The following BAIAP2 variants were observed in gnomAD, a reference collection of about 807,000 sequenced individuals.
BAIAP2 encodes BAR/IMD domain containing adaptor protein 2.
Under a neutral mutation model 63.0 loss-of-function variants are expected in BAIAP2, and 18 were observed. The observed-to-expected ratio is 0.29, with a 90% CI of 0.20 to 0.42. The LOEUF is 0.42. BAIAP2 is among the 10% of genes least tolerant of loss of function. The probability of loss-of-function intolerance (pLI) is 1.00; values close to 1 mark genes in which losing one functional copy is unlikely to be tolerated. For synonymous variants in BAIAP2, 386 were observed against 307.6 expected (o/e 1.25, Z -2.67); for missense variants, 610 against 734.3 (o/e 0.83, Z 1.96).
intron 1 of BAIAP2, among the ~76,000 whole-genome samples, chr17:81,042,874 T>TTTAA (rs1555652535): frequency 0.048 from 7,136 of 148,912 alleles, 230 homozygotes; most frequent in East Asian, 0.14. Flanking sequence ...GGGGCTTTTA[T>TTTAA]TTTAATTTAA....
intron 1 of BAIAP2, among the ~76,000 whole-genome samples, chr17:81,052,618 C>T (rs76415684): frequency 0.018 from 2,693 of 152,340 alleles, 79 homozygotes; most frequent in African/African-American, 0.061. Flanking sequence ...CGTCAAATAG[C>T]GGGTTTTCTG....
intron 3 of BAIAP2, chr17:81,083,120 G>A (rs904211019): frequency 6.6e-6 from 1 of 152,324 alleles, no homozygotes; most frequent in African/African-American, 2.4e-5. Flanking sequence ...GGCCAGCCCA[G>A]CCGTGGTCCT....
At chr17:81,040,969 G>C (rs1296517074) in intron 1 of BAIAP2, among the ~76,000 whole-genome samples, 2 of 152,224 alleles carry the variant, frequency 1.3e-5, no homozygotes, top group Non-Finnish European at 2.9e-5. Flanking sequence ...CTGTGCTGAG[G>C]AGTCCCCTCT....
chr17:81,099,156 G>A (rs1207269292), intron 6 of BAIAP2, among the ~76,000 whole-genome samples: 5 of 152,216 alleles, frequency 3.3e-5, no homozygotes, highest in Non-Finnish European at 7.4e-5. Flanking sequence ...TGCTGTCCCC[G>A]TGGACGCTGG....
intron 6 of BAIAP2, chr17:81,098,268 C>T (rs1010455956): frequency 8.3e-5 from 98 of 1,179,210 alleles, no homozygotes; most frequent in South Asian, 3.0e-4. Context: ...GAGCACAGTC[C>T]GGGGCCTGGG....
intron 4 of BAIAP2, 187 bp from the exon 5 acceptor site, chr17:81,085,467 C>G: frequency 1.0e-5 from 7 of 699,174 alleles, no homozygotes; most frequent in Non-Finnish European, 1.6e-5. Flanking sequence ...GTTCAGCACT[C>G]GCTCCTGGCT....
At position 81,104,502 on chromosome 17, in the gene BAIAP2, T is replaced by A; in HGVS notation, c.1067-12T>A. On this transcript the variant is annotated splice_polypyrimidine_tract_variant and intron_variant, in intron 9 of 13. Transcript: ENST00000428708. ...CAGGGGCAGTCCCCTTACCTGTCCC[T>A]TGTCCCAGCAGCCGAGAACAAGACT... is the stretch of plus-strand genomic sequence containing the variant. 6.3e-7 allele frequency: 1 copy of A among 1,582,272 alleles called. No homozygotes were observed. Among genetic ancestry groups the A allele is most frequent in the Non-Finnish European group, 8.6e-7 (1 of 1,160,028 alleles).
At chr17:81,084,065 G>A (rs922857546) in intron 3 of BAIAP2, among the ~76,000 whole-genome samples, 3 of 152,204 alleles carry the variant, frequency 2.0e-5, no homozygotes, top group Non-Finnish European at 4.4e-5. Flanking sequence ...CTCTGACGGC[G>A]CTTACCCTGT....
At chr17:81,105,200 T>C in intron 10 of BAIAP2, 1 of 166,064 alleles carries the variant, frequency 6.0e-6, no homozygotes, top group Non-Finnish European at 1.3e-5. Context: ...GGCTCGGGTC[T>C]CCCCCACATG....
rs529872297 is a variant in BAIAP2, at chr17:81,080,280, A to G, written c.218-4552A>G. The stretch of plus-strand genomic sequence containing the variant: ...GGGTTAAGTGCTGGTGGCCGGACAC[A>G]TTCACACTCCATGCCCACGTGGTTT... On this transcript the variant is annotated intron_variant, in intron 3 of 13. Coordinates refer to ENST00000428708, the MANE Select transcript of BAIAP2 (RefSeq NM_001144888.2). Among the ~76,000 whole-genome samples the G allele has an allele frequency of 2.8e-4, 43 of 152,230 alleles. 1 individual carries two copies. The highest frequency in any genetic ancestry group is 2.0e-4 in the Admixed American group (3 of 15,288).
chr17:81,047,405 A>AGTG (rs2047971954), intron 1 of BAIAP2, among the ~76,000 whole-genome samples: 1 of 152,208 alleles, frequency 6.6e-6, no homozygotes, highest in Non-Finnish European at 1.5e-5. Context: ...AGAGGGTCCT[A>AGTG]GCATCGACTC....
At chr17:81,098,971 TCCCCCCATCCCCCCATC>T (rs2058093314) in intron 6 of BAIAP2, among the ~76,000 whole-genome samples, 1 of 4,262 alleles carries the variant, frequency 2.3e-4, no homozygotes, top group Admixed American at 3.1e-3. Context: ...CGTCCCCCCA[TCCCCCCATCCCCCCATC>T]CCCCCATCCC....
chr17:81,037,812 T>A (rs781697683), intron 1 of BAIAP2, among the ~76,000 whole-genome samples: 7 of 152,284 alleles, frequency 4.6e-5, no homozygotes, highest in Non-Finnish European at 7.3e-5. Flanking sequence ...GAGTGGTGTT[T>A]GCCTTGGCAA....
At chr17:81,036,811 GT>G (rs2046338095) in intron 1 of BAIAP2, 2 of 1,444,868 alleles carry the variant, frequency 1.4e-6, no homozygotes, top group South Asian at 2.4e-5. Context: ...AGGGAGGGAG[GT>G]TTATTAAATT....
At chr17:81,098,286 G>C (rs1020483040) in intron 6 of BAIAP2, 1 of 1,009,764 alleles carries the variant, frequency 9.9e-7, no homozygotes, top group African/African-American at 1.7e-5. Context: ...GGGAGGCAGC[G>C]GCCGCCCTCA....
rs1248050303 is a variant in BAIAP2 at position 81,106,163 on chromosome 17, A to G, written c.1337+17A>G. The G allele has an allele frequency of 4.5e-6, 7 of 1,567,136 alleles. No homozygotes were observed. Among genetic ancestry groups the G allele is most frequent in the East Asian group, 4.7e-5 (2 of 42,756 alleles). ...GCACATGAGGTGAGCTCTGGGCCCA[A>G]CGGGAGTGTAAGATCCCCAGCTCGG... On this transcript the variant is annotated intron_variant, in intron 11 of 13. Transcript: ENST00000428708.
At chr17:81,039,592 G>T (rs1399285889) in intron 1 of BAIAP2, among the ~76,000 whole-genome samples, 1 of 152,198 alleles carries the variant, frequency 6.6e-6, no homozygotes, top group Non-Finnish European at 1.5e-5. Context: ...TCGTGGTACT[G>T]CCCGAGTGGA....
At chr17:81,090,110 C>G (rs1157688176) in intron 6 of BAIAP2, among the ~76,000 whole-genome samples, 3 of 152,154 alleles carry the variant, frequency 2.0e-5, no homozygotes, top group African/African-American at 7.2e-5. Flanking sequence ...CCAGGCTGGA[C>G]TGTCCCCACC....
intron 13 of BAIAP2, chr17:81,108,975 G>A (rs938249071): frequency 3.7e-5 from 58 of 1,548,590 alleles, no homozygotes; most frequent in African/African-American, 1.5e-4. Context: ...CAGTGGCAGC[G>A]GCACGCTGGT....
Sources: gnomAD v4.1 joint callset for allele counts (sites outside exome capture counted in the v4.1 genomes callset) on GRCh38, gnomAD v4.1.1 for gene constraint, MANE v1.5 for transcripts, NCBI Gene and HGNC (gene_info 2026-07-23, HGNC 2026-07-21) for gene names.